Variants in NME9 observed in about 807,000 individuals in gnomAD.
NME9 encodes thioredoxin domain-containing protein 6.
NME9 carries 48 observed loss-of-function variants against 44.4 expected under a neutral mutation model. That is an observed-to-expected ratio of 1.08 (90% CI 0.86 to 1.37). The LOEUF is 1.37. Among genes scored for constraint, NME9 ranks in the 40% most tolerant of loss-of-function variants. The probability of loss-of-function intolerance (pLI) is 0.00; values close to 1 mark genes in which losing one functional copy is unlikely to be tolerated. For synonymous variants in NME9, 139 were observed against 147.1 expected, an observed-to-expected ratio of 0.94 and a Z score of 0.40; for missense variants, 325 against 405.2, an observed-to-expected ratio of 0.80 and a Z score of 1.70.
intron 6 of NME9, among the ~76,000 whole-genome samples, chr3:138,307,736 A>G (rs893949738): frequency 5.3e-5 from 8 of 152,220 alleles, no homozygotes; most frequent in African/African-American, 1.9e-4. Flanking sequence ...AGGGCAGCAC[A>G]AGAAAAGAAG....
At chr3:138,322,934 G>T (rs890612514) in intron 2 of NME9, among the ~76,000 whole-genome samples, 1 of 152,108 alleles carries the variant, frequency 6.6e-6, no homozygotes, top group East Asian at 1.9e-4. Flanking sequence ...TTTTCACCTG[G>T]AGCCATGTTC....
At chr3:138,310,711 A>G (rs904508095) in intron 6 of NME9, among the ~76,000 whole-genome samples, 3 of 152,202 alleles carry the variant, frequency 2.0e-5, no homozygotes, top group Non-Finnish European at 4.4e-5. Context: ...AATTTCTTGA[A>G]ACAAATGAAA....
At chr3:138,263,644 A>G (rs1236126505) in intron 8 of NME9, 1 of 1,131,364 alleles carries the variant, frequency 8.8e-7, no homozygotes, top group African/African-American at 1.5e-5. Flanking sequence ...AAACAACGTT[A>G]AACTTTTAAT....
chr3:138,299,524 C>T (rs2051732211), downstream of NME9, among the ~76,000 whole-genome samples: 1 of 152,148 alleles, frequency 6.6e-6, no homozygotes, highest in Non-Finnish European at 1.5e-5. Flanking sequence ...TGGGAGTGGG[C>T]TGATATTTGA....
At chr3:138,303,781 A>G (rs1359848125) in intron 9 of NME9, 138 bp from the exon 10 acceptor site, 1 of 742,550 alleles carries the variant, frequency 1.3e-6, no homozygotes, top group Non-Finnish European at 2.2e-6. Context: ...GGAAATACCA[A>G]GAACAGCAGC....
intron 3 of NME9, among the ~76,000 whole-genome samples, chr3:138,318,444 C>G (rs1458102845): frequency 7.7e-6 from 1 of 129,616 alleles, no homozygotes; most frequent in African/African-American, 4.9e-5. Flanking sequence ...CTCCTACCCG[C>G]CCCCCAGCTA....
At chr3:138,303,669 G>C in intron 9 of NME9, 26 bp from the exon 10 acceptor site, 1 of 1,583,226 alleles carries the variant, frequency 6.3e-7, no homozygotes, top group Non-Finnish European at 8.6e-7. Flanking sequence ...AAATGTAAAA[G>C]AAACAATTGT....
intron 8 of NME9, chr3:138,273,143 A>C (rs2048942415): frequency 6.3e-7 from 1 of 1,599,242 alleles, no homozygotes; most frequent in East Asian, 2.2e-5. Context: ...AGGCTTCCAA[A>C]TTAGCTAGCC....
chr3:138,290,587 G>A (rs773224706), intron 8 of NME9: 49 of 1,607,518 alleles, frequency 3.0e-5, no homozygotes, highest in Middle Eastern at 1.6e-4. Flanking sequence ...CATGGGCATC[G>A]TAGATATTCT....
At chr3:138,328,243 G>C (rs2053911591) in intron 1 of NME9, among the ~76,000 whole-genome samples, 1 of 152,188 alleles carries the variant, frequency 6.6e-6, no homozygotes, top group South Asian at 2.1e-4. Context: ...CTATAGCCTG[G>C]AGAGGTTATG....
chr3:138,312,829 TG>T (rs2052792897), intron 6 of NME9, among the ~76,000 whole-genome samples: 1 of 151,900 alleles, frequency 6.6e-6, no homozygotes, highest in South Asian at 2.1e-4. Context: ...ACCCACAGAG[TG>T]GGAGAAAATA....
intron 6 of NME9, among the ~76,000 whole-genome samples, chr3:138,307,559 A>G (rs1005352579): frequency 2.6e-5 from 4 of 152,242 alleles, no homozygotes; most frequent in African/African-American, 9.6e-5. Context: ...TTCAAGCAAC[A>G]AATCTGTTAT....
chr3:138,269,993 A>G (rs778778460), intron 8 of NME9: 1 of 1,365,268 alleles, frequency 7.3e-7, no homozygotes, highest in South Asian at 1.2e-5. Flanking sequence ...TTAGTTTGCA[A>G]ACTGGACTTT....
chr3:138,286,872 C>A (rs1279786403), intron 8 of NME9, among the ~76,000 whole-genome samples: 1 of 152,194 alleles, frequency 6.6e-6, no homozygotes, highest in East Asian at 1.9e-4. Flanking sequence ...TCCGCCTGCC[C>A]TTTCAGCATC....
In NME9 at chr3:138,309,707, C is replaced by T. The variant is rs2052554329; in HGVS notation, c.461-3227G>A. On this transcript the variant is annotated intron_variant, in intron 6 of 10. Transcript: ENST00000333911. ...CAAGATCATGCCACTGCACTCCAGC[C>T]TGGGTGACAGAGCTAGACTGTCTCA... Among the ~76,000 whole-genome samples the T allele has an allele frequency of 3.3e-5, 5 of 151,572 alleles. No homozygotes were observed. In the South Asian group the frequency reaches 1.0e-3, roughly 32 times the overall value.
intron 6 of NME9, among the ~76,000 whole-genome samples, chr3:138,313,212 G>A (rs375565513): frequency 3.3e-5 from 5 of 152,172 alleles, no homozygotes; most frequent in South Asian, 2.1e-4. Flanking sequence ...CCAACATGGC[G>A]AAATCCAGTC....
At chr3:138,326,979 TAAAA>T (rs60371178) in intron 1 of NME9, 6 of 73,442 alleles carry the variant, frequency 8.2e-5, no homozygotes, top group African/African-American at 1.0e-4. Context: ...CTGCCTCTAC[TAAAA>T]AAAAAAAAAA....
intron 6 of NME9, among the ~76,000 whole-genome samples, chr3:138,310,164 A>T (rs2052594378): frequency 6.6e-6 from 1 of 152,166 alleles, no homozygotes; most frequent in Non-Finnish European, 1.5e-5. Flanking sequence ...GAGAAAATAT[A>T]CTTAGAGAAG....
rs1007689129 is a variant in NME9 at position 138,314,617 on chromosome 3, G to A, written c.385-210C>T. On this transcript the variant is annotated intron_variant, in intron 5 of 10. Coordinates refer to ENST00000333911, the MANE Select transcript of NME9 (RefSeq NM_001349018.2). ...AGAATTAGAATACAAGAAAATCCAC[G>A]CTTAAGTTTTAGAGTCTGCCTCTTT... is the stretch of plus-strand genomic sequence containing the variant. Among the ~76,000 whole-genome samples, 10 of 152,134 alleles carry A rather than the reference G, an allele frequency of 6.6e-5. 1 individual carries two copies. In the South Asian group the frequency reaches 8.3e-4, roughly 13 times the overall value.
Sources: gnomAD v4.1 joint callset for allele counts (sites outside exome capture counted in the v4.1 genomes callset) on GRCh38, gnomAD v4.1.1 for gene constraint, MANE v1.5 for transcripts, NCBI Gene and HGNC (gene_info 2026-07-23, HGNC 2026-07-21) for gene names.